Variants in CLYBL observed in about 807,000 individuals in gnomAD.
CLYBL encodes citramalyl-CoA lyase, also known as citramalyl-CoA lyase, mitochondrial.
CLYBL carries 31 observed loss-of-function variants against 38.9 expected under a neutral mutation model. The observed-to-expected ratio is 0.80, with a 90% CI of 0.60 to 1.08. CLYBL has a LOEUF of 1.08. Among genes scored for constraint, CLYBL ranks in the 50% least tolerant of loss-of-function variants. The pLI, the probability that CLYBL is intolerant of heterozygous loss-of-function variation, is 0.00. For synonymous variants in CLYBL, 171 were observed against 158.6 expected, an observed-to-expected ratio of 1.08 and a Z score of -0.59; for missense variants, 434 against 411.6, an observed-to-expected ratio of 1.05 and a Z score of -0.47.
At chr13:99,779,429 C>G (rs563370845) in intron 2 of CLYBL, among the ~76,000 whole-genome samples, 1 of 152,154 alleles carries the variant, frequency 6.6e-6, no homozygotes, top group Non-Finnish European at 1.5e-5. Context: ...CGCGAGCCAC[C>G]GTGCCTGGCC....
At chr13:99,791,486 TAGTC>T (rs753427324) in intron 2 of CLYBL, among the ~76,000 whole-genome samples, 9 of 152,200 alleles carry the variant, frequency 5.9e-5, no homozygotes, top group Non-Finnish European at 1.2e-4. Context: ...CATAATTTGA[TAGTC>T]AGGAACTTTA....
chr13:99,714,758 G>A (rs2048286867), intron 1 of CLYBL, among the ~76,000 whole-genome samples: 1 of 152,046 alleles, frequency 6.6e-6, no homozygotes, highest in Non-Finnish European at 1.5e-5. Context: ...GACCAGCCTG[G>A]CCAAAATGGT....
At chr13:99,842,609 A>C (rs2051108804) in intron 2 of CLYBL, among the ~76,000 whole-genome samples, 1 of 152,142 alleles carries the variant, frequency 6.6e-6, no homozygotes, top group South Asian at 2.1e-4. Flanking sequence ...TGGTGTAAGG[A>C]CATCTGGTTA....
At chr13:99,904,040 T>G (rs1466429298) in intron 8 of CLYBL, among the ~76,000 whole-genome samples, 1 of 142,658 alleles carries the variant, frequency 7.0e-6, no homozygotes, top group Non-Finnish European at 1.5e-5. Context: ...GTGAGACCCC[T>G]CTCTTAAAAA....
chr13:99,724,685 G>A (rs948904246), intron 1 of CLYBL, among the ~76,000 whole-genome samples: 11 of 152,074 alleles, frequency 7.2e-5, no homozygotes, highest in Non-Finnish European at 1.3e-4. Flanking sequence ...AGTTGAGCAC[G>A]AGCAGAACGC....
At chr13:99,784,449 C>CTTTTTTTTT (rs772465561) in intron 2 of CLYBL, among the ~76,000 whole-genome samples, 12 of 52,086 alleles carry the variant, frequency 2.3e-4, no homozygotes, top group South Asian at 1.0e-3. Context: ...AAAATTCTCT[C>CTTTTTTTTT]TTTTTTTTTT....
At chr13:99,871,986 C>T (rs1253067317) in intron 7 of CLYBL, among the ~76,000 whole-genome samples, 1 of 135,164 alleles carries the variant, frequency 7.4e-6, no homozygotes, top group Non-Finnish European at 1.6e-5. Context: ...AACATTCCCC[C>T]CTGCAAAAAA....
At chr13:99,774,150 G>T (rs11843986) in intron 2 of CLYBL, among the ~76,000 whole-genome samples, 1 of 151,998 alleles carries the variant, frequency 6.6e-6, no homozygotes, top group Admixed American at 6.6e-5. Context: ...GTAGAATCAC[G>T]TGAGCCCGAG....
intron 1 of CLYBL, among the ~76,000 whole-genome samples, chr13:99,752,980 G>A (rs983253431): frequency 2.0e-5 from 3 of 152,144 alleles, no homozygotes; most frequent in Non-Finnish European, 2.9e-5. Context: ...GGAAGGGCGG[G>A]GTTCTGGAGG....
intron 1 of CLYBL, among the ~76,000 whole-genome samples, chr13:99,638,108 C>G (rs2047048227): frequency 6.6e-6 from 1 of 151,740 alleles, no homozygotes; most frequent in Non-Finnish European, 1.5e-5. Context: ...AGACCACCAG[C>G]TACACCTGGC....
intron 1 of CLYBL, among the ~76,000 whole-genome samples, chr13:99,730,012 CT>C (rs1374026225): frequency 1.0e-5 from 1 of 98,908 alleles, no homozygotes; most frequent in Non-Finnish European, 2.3e-5. Context: ...CGGTGCCCCC[CT>C]ACCACCGTTG....
In CLYBL at chr13:99,865,639, T is replaced by G. The variant is rs535241591; in HGVS notation, c.635-601T>G. The stretch of plus-strand genomic sequence containing the variant: ...CTCAGGGTGAAAAAACTGAATTTAT[T>G]TGAATACGAGTCTTTCCAGGAGACT... On this transcript the variant is annotated intron_variant, in intron 5 of 8. Coordinates refer to ENST00000339105, the MANE Select transcript of CLYBL (RefSeq NM_206808.5). The surrounding 1 kb of genome is among the most constrained non-coding windows in gnomAD (Gnocchi z 4.7). Among the ~76,000 whole-genome samples, 1 of 152,330 alleles carries G rather than the reference T, an allele frequency of 6.6e-6. No individual in the cohort carries two copies. The highest frequency in any genetic ancestry group is 2.1e-4 in the South Asian group (1 of 4,820).
chr13:99,794,525 G>A (rs905888541), intron 2 of CLYBL, among the ~76,000 whole-genome samples: 1 of 151,612 alleles, frequency 6.6e-6, no homozygotes, highest in Non-Finnish European at 1.5e-5. Context: ...ATTCTTTTCA[G>A]TTTTTAAAAA....
intron 2 of CLYBL, among the ~76,000 whole-genome samples, chr13:99,779,914 C>A (rs1382644722): frequency 6.6e-6 from 1 of 152,030 alleles, no homozygotes; most frequent in Non-Finnish European, 1.5e-5. Flanking sequence ...CTACATTAGC[C>A]ATTTTTTGTA....
intron 7 of CLYBL, among the ~76,000 whole-genome samples, chr13:99,881,305 A>T (rs2052202970): frequency 1.3e-5 from 2 of 152,262 alleles, no homozygotes; most frequent in Admixed American, 6.5e-5. Context: ...CTGAATTTCA[A>T]TTCAAAATAT....
At chr13:99,863,377 T>G (rs1296139481) in intron 4 of CLYBL, among the ~76,000 whole-genome samples, 1 of 152,200 alleles carries the variant, frequency 6.6e-6, no homozygotes, top group Non-Finnish European at 1.5e-5. Flanking sequence ...CACTGTGTAA[T>G]TATATGCTTT....
intron 1 of CLYBL, among the ~76,000 whole-genome samples, chr13:99,659,757 T>C: frequency 6.6e-6 from 1 of 152,158 alleles, no homozygotes; most frequent in East Asian, 1.9e-4. Context: ...AGGTATTATA[T>C]AGTAATAGTC....
intron 2 of CLYBL, among the ~76,000 whole-genome samples, chr13:99,823,958 C>G (rs1369346863): frequency 6.6e-6 from 1 of 152,144 alleles, no homozygotes; most frequent in Non-Finnish European, 1.5e-5. Flanking sequence ...GATCTCATGT[C>G]TTTTTCTTTC....
intron 7 of CLYBL, among the ~76,000 whole-genome samples, chr13:99,888,305 T>G (rs1043064146): frequency 6.6e-6 from 1 of 152,204 alleles, no homozygotes; most frequent in African/African-American, 2.4e-5. Flanking sequence ...AGAAAAAGTT[T>G]TACTGGGGTT....
Sources: gnomAD v4.1 joint callset for allele counts (sites outside exome capture counted in the v4.1 genomes callset) on GRCh38, gnomAD v4.1.1 for gene constraint, Gnocchi (gnomAD v3.1) non-coding constraint, MANE v1.5 for transcripts, NCBI Gene and HGNC (gene_info 2026-07-23, HGNC 2026-07-21) for gene names.